The following NPTN variants were observed in gnomAD, a reference collection of about 807,000 sequenced individuals.
The protein encoded by NPTN is neuroplastin, also known as SDR-1.
A neutral mutation model predicts 42.7 loss-of-function variants in NPTN; 5 were observed. That is an observed-to-expected ratio of 0.12 (90% CI 0.06 to 0.25). The LOEUF is 0.25. Among genes scored for constraint, NPTN ranks in the 10% least tolerant of loss-of-function variants. The pLI is 1.00. For synonymous variants in NPTN, 180 were observed against 201.9 expected, an observed-to-expected ratio of 0.89 and a Z score of 0.92; for missense variants, 307 against 525.4, an observed-to-expected ratio of 0.58 and a Z score of 4.06.
chr15:73,597,433 G>T lies in NPTN; in HGVS notation c.92-64C>A. On this transcript the variant is annotated intron_variant, in intron 1 of 8. Transcript: ENST00000345330. The surrounding 1 kb of genome is among the most constrained non-coding windows in gnomAD (Gnocchi z 6.3). ...TCAGAAAAAAAAAAAAGAATCAACA[G>T]GTGTTAATAGTAATTTAAAGAAAAG... 8.5e-7 allele frequency: 1 copy of T among 1,176,800 alleles called. No individual in the cohort carries two copies. Among genetic ancestry groups the T allele is most frequent in the Non-Finnish European group, 1.2e-6 (1 of 833,874 alleles). The allele number at this position is 1,176,800 out of a possible 1,614,324, so 72.9% of individuals were successfully genotyped here. A position where few individuals can be genotyped will look rare whatever the true frequency, so the allele number is the denominator to read the frequency against.
intron 4 of NPTN, among the ~76,000 whole-genome samples, chr15:73,584,902 T>A (rs1299567934): frequency 6.6e-6 from 1 of 152,028 alleles, no homozygotes; most frequent in Non-Finnish European, 1.5e-5. Context: ...AAAAACATGA[T>A]CATCTTGGCT....
intron 1 of NPTN, among the ~76,000 whole-genome samples, chr15:73,619,562 C>A (rs1371361869): frequency 6.6e-6 from 1 of 152,170 alleles, no homozygotes; most frequent in African/African-American, 2.4e-5. Context: ...CCACTGCTAC[C>A]TGGATACATT....
intron 6 of NPTN, chr15:73,568,246 G>T: frequency 1.0e-6 from 1 of 985,466 alleles, no homozygotes; most frequent in Non-Finnish European, 1.2e-6. Flanking sequence ...GCAAAGACTA[G>T]ACCTCTGCTG....
intron 1 of NPTN, among the ~76,000 whole-genome samples, chr15:73,604,709 T>C (rs1051044732): frequency 6.6e-6 from 1 of 152,204 alleles, no homozygotes; most frequent in African/African-American, 2.4e-5. Flanking sequence ...ATGATTCCTA[T>C]CTTCTTCATA....
At chr15:73,611,393 A>AAAAAC (rs761839570) in intron 1 of NPTN, among the ~76,000 whole-genome samples, 19 of 152,300 alleles carry the variant, frequency 1.2e-4, no homozygotes, top group East Asian at 1.2e-3. Context: ...TATTCAATGC[A>AAAAAC]AAAACAAAAC....
intron 1 of NPTN, among the ~76,000 whole-genome samples, chr15:73,622,837 T>A (rs370478748): frequency 6.6e-6 from 1 of 152,198 alleles, no homozygotes. Flanking sequence ...GGTTGCCATA[T>A]TACGTAAATA....
chr15:73,613,452 CCT>C (rs1361627541), intron 1 of NPTN, among the ~76,000 whole-genome samples: 3 of 152,004 alleles, frequency 2.0e-5, no homozygotes, highest in African/African-American at 7.3e-5. Context: ...AAAGAAAATG[CCT>C]CTCTTGATTT....
At chr15:73,610,969 T>C (rs1408450547) in intron 1 of NPTN, among the ~76,000 whole-genome samples, 1 of 152,204 alleles carries the variant, frequency 6.6e-6, no homozygotes, top group Non-Finnish European at 1.5e-5. Flanking sequence ...GAGTCTTATT[T>C]TGAATCTTGA....
chr15:73,607,232 CTTTAGCAAGT>C (rs1419714101), intron 1 of NPTN, among the ~76,000 whole-genome samples: 1 of 151,668 alleles, frequency 6.6e-6, no homozygotes, highest in Non-Finnish European at 1.5e-5. Flanking sequence ...ATTTTTTTTT[CTTTAGCAAGT>C]TGAATAAACC....
chr15:73,585,115 G>A (rs1390977440), intron 4 of NPTN, among the ~76,000 whole-genome samples: 1 of 152,200 alleles, frequency 6.6e-6, no homozygotes, highest in Non-Finnish European at 1.5e-5. Context: ...GAAAGAAACG[G>A]CTGAGAGCAG....
At chr15:73,612,077 G>A (rs570122437) in intron 1 of NPTN, among the ~76,000 whole-genome samples, 9 of 152,214 alleles carry the variant, frequency 5.9e-5, no homozygotes, top group South Asian at 2.1e-4. Context: ...ACTTCTGCTC[G>A]GACAAGCTAG....
chr15:73,626,001 A>G (rs1306407329), intron 1 of NPTN, among the ~76,000 whole-genome samples: 1 of 152,262 alleles, frequency 6.6e-6, no homozygotes, highest in African/African-American at 2.4e-5. Flanking sequence ...CTAGGATTTA[A>G]TTCAGTTAAC....
intron 6 of NPTN, chr15:73,568,263 C>T (rs1477609101): frequency 1.7e-5 from 17 of 985,342 alleles, no homozygotes; most frequent in Admixed American, 1.2e-4. Flanking sequence ...GCTGGGAACA[C>T]GCTAGGCTGC....
intron 2 of NPTN, among the ~76,000 whole-genome samples, chr15:73,593,541 G>GA (rs1365254081): frequency 2.6e-5 from 4 of 152,120 alleles, no homozygotes; most frequent in Admixed American, 6.5e-5. Flanking sequence ...TTAACGTGAG[G>GA]AAAGAACTCT....
chr15:73,592,210 G>A (rs1566973010), intron 2 of NPTN, 73 bp from the exon 3 acceptor site: 5 of 1,262,438 alleles, frequency 4.0e-6, no homozygotes, highest in Middle Eastern at 2.0e-4. Context: ...AGAGTTGGAC[G>A]GGGTAGGAGG....
Position 73,608,063 on chromosome 15 carries a change from T to C in NPTN, c.92-10694A>G, listed in dbSNP as rs186545218. On this transcript the variant is annotated intron_variant, in intron 1 of 8. Coordinates refer to ENST00000345330, the MANE Select transcript of NPTN (RefSeq NM_012428.4). Reference sequence around the variant, plus strand: ...GTCTGTGATCCATGGCCAAAAGAAGTAGAGTAGCAAAAACAGTTGCTAAAA... The same window carrying C: ...GTCTGTGATCCATGGCCAAAAGAAGCAGAGTAGCAAAAACAGTTGCTAAAA... 2.0e-5 allele frequency among the ~76,000 whole-genome samples: 3 copies of C among 152,252 alleles called. No individual in the cohort carries two copies. In the East Asian group the frequency reaches 5.8e-4, roughly 29 times the overall value.
chr15:73,593,844 C>A (rs1251609558), intron 2 of NPTN, among the ~76,000 whole-genome samples: 1 of 152,140 alleles, frequency 6.6e-6, no homozygotes, highest in East Asian at 1.9e-4. Flanking sequence ...ATAATGGAGG[C>A]ATAGCAGCCA....
chr15:73,622,912 C>T (rs890262210), intron 1 of NPTN, among the ~76,000 whole-genome samples: 2 of 152,092 alleles, frequency 1.3e-5, no homozygotes, highest in African/African-American at 2.4e-5. Context: ...ATCTGACAAC[C>T]CTACACTCTT....
chr15:73,630,165 A>G (rs1898657917), intron 1 of NPTN, among the ~76,000 whole-genome samples: 1 of 152,258 alleles, frequency 6.6e-6, no homozygotes, highest in Non-Finnish European at 1.5e-5. Flanking sequence ...TAATCCTCAC[A>G]TCATCCCTAG....
Sources: allele counts gnomAD v4.1 joint callset (sites outside exome capture counted in the v4.1 genomes callset), GRCh38; gene constraint gnomAD v4.1.1; non-coding constraint Gnocchi (gnomAD v3.1); transcripts MANE v1.5; gene names NCBI Gene and HGNC (gene_info 2026-07-23, HGNC 2026-07-21).